The following MTMR10 variants were observed in gnomAD, a reference collection of about 807,000 sequenced individuals.
The protein encoded by MTMR10 is myotubularin-related protein 10.
MTMR10 carries 56 observed loss-of-function variants against 88.1 expected under a neutral mutation model. That is an observed-to-expected ratio of 0.64 (90% CI 0.51 to 0.79). The LOEUF is 0.79. Among genes scored for constraint, MTMR10 ranks in the 30% least tolerant of loss-of-function variants. The pLI is 0.00. For synonymous variants in MTMR10, 380 were observed against 340.9 expected (o/e 1.11, Z -1.26); for missense variants, 883 against 924.7 (o/e 0.95, Z 0.58).
intron 6 of MTMR10, among the ~76,000 whole-genome samples, chr15:30,962,606 G>A (rs1566956549): frequency 6.6e-6 from 1 of 151,602 alleles, no homozygotes; most frequent in Non-Finnish European, 1.5e-5. Context: ...ACCCTCCAAC[G>A]TCCCATGAAC....
At chr15:30,926,773 C>A in the MTMR10 span, 1 of 985,190 alleles carries the variant, frequency 1.0e-6, no homozygotes, top group African/African-American at 1.7e-5. Flanking sequence ...GACGTGGGAG[C>A]GCTGAAATGC....
At chr15:30,935,830 A>G (rs768817484), downstream of MTMR10, among the ~76,000 whole-genome samples, 66 of 152,322 alleles carry the variant, frequency 4.3e-4, no homozygotes, top group Middle Eastern at 3.4e-3. Flanking sequence ...GTTTCCAATC[A>G]GAGAATCTTT....
chr15:30,935,524 A>T (rs1018273075), downstream of MTMR10, among the ~76,000 whole-genome samples: 1 of 152,222 alleles, frequency 6.6e-6, no homozygotes, highest in Non-Finnish European at 1.5e-5. Context: ...CATAGCATTT[A>T]TATTAGGTAT....
intron 2 of MTMR10, among the ~76,000 whole-genome samples, chr15:30,987,870 C>T: frequency 6.6e-6 from 1 of 151,262 alleles, no homozygotes; most frequent in East Asian, 1.9e-4. Flanking sequence ...CCTCATCCCC[C>T]ACCCCCAACA....
chr15:30,943,575 C>CTG (rs2063119348), intron 14 of MTMR10: 1 of 984,524 alleles, frequency 1.0e-6, no homozygotes, highest in African/African-American at 1.8e-5. Flanking sequence ...AATCACAGAC[C>CTG]ACAGACTCAG....
intron 2 of MTMR10, among the ~76,000 whole-genome samples, chr15:30,988,059 G>C (rs1399507787): frequency 1.3e-5 from 2 of 152,118 alleles, no homozygotes; most frequent in Non-Finnish European, 1.5e-5. Flanking sequence ...CCTAGTCTAG[G>C]TCTTTAGATC....
the MTMR10 span, among the ~76,000 whole-genome samples, chr15:30,931,485 C>T: frequency 6.6e-6 from 1 of 152,174 alleles, no homozygotes; most frequent in African/African-American, 2.4e-5. Context: ...TGTCACATGT[C>T]AGAAATACTT....
At chr15:30,919,507 A>G in the MTMR10 span, among the ~76,000 whole-genome samples, 1 of 152,014 alleles carries the variant, frequency 6.6e-6, no homozygotes, top group Admixed American at 6.6e-5. Context: ...CCTGGCCAAC[A>G]TGGTGAAACC....
chr15:30,981,360 AACCTGAAGTGATCGAGGTTAACCTC>A (rs1450434249), intron 2 of MTMR10, among the ~76,000 whole-genome samples: 29 of 152,390 alleles, frequency 1.9e-4, no homozygotes, highest in Non-Finnish European at 4.0e-4. Flanking sequence ...ATATCACTTT[AACCTGAAGTGATCGAGGTTAACCTC>A]ACCAATAACC....
intron 7 of MTMR10, among the ~76,000 whole-genome samples, chr15:30,960,677 G>A (rs1352877857): frequency 2.6e-5 from 4 of 152,072 alleles, no homozygotes; most frequent in Non-Finnish European, 5.9e-5. Flanking sequence ...TGACAGTAAG[G>A]AATTACTATC....
chr15:30,925,265 G>A, the MTMR10 span: 17 of 1,614,032 alleles, frequency 1.1e-5, no homozygotes, highest in Admixed American at 2.8e-4. Context: ...GCAGCTCCCA[G>A]AAATGGCTGT....
intron 5 of MTMR10, among the ~76,000 whole-genome samples, chr15:30,968,787 T>C (rs1019315015): frequency 6.6e-6 from 1 of 152,162 alleles, no homozygotes; most frequent in Non-Finnish European, 1.5e-5. Flanking sequence ...ATTAACAAGC[T>C]TAATGCAGGC....
chr15:30,941,345 G>C lies in MTMR10; in HGVS notation c.*125C>G, dbSNP rs200383312. ...TGATTCAACATGTTTTTAAATATTA[G>C]TGCAAATTCCAACTATTATTCTTAC... is the stretch of plus-strand genomic sequence containing the variant. On this transcript the variant is annotated 3_prime_UTR_variant, in exon 16 of 16. Coordinates refer to ENST00000435680, the MANE Select transcript of MTMR10 (RefSeq NM_017762.3). 7.2e-6 allele frequency: 11 copies of C among 1,534,780 alleles called. No individual in the cohort carries two copies. The East Asian group carries it at 2.4e-4, about 34-fold the overall frequency.
rs552786773 is a variant in MTMR10, at chr15:30,962,184, G to C, written c.566-1111C>G. Among the ~76,000 whole-genome samples, 4 of 152,328 alleles carry C rather than the reference G, an allele frequency of 2.6e-5. No homozygotes were observed. In the South Asian group the frequency reaches 8.3e-4, roughly 32 times the overall value. On this transcript the variant is annotated intron_variant, in intron 6 of 15. Transcript: ENST00000435680. ...CCTTAGAAAGGAGCCTGCTCTGAGA[G>C]AGAAGTAATGCTATCTTCTGGGAGC...
At chr15:30,919,305 A>C in the MTMR10 span, among the ~76,000 whole-genome samples, 3 of 144,332 alleles carry the variant, frequency 2.1e-5, no homozygotes, top group African/African-American at 7.8e-5. Flanking sequence ...ACTTGAACCC[A>C]GGAGGTGGAG....
Position 30,939,310 on chromosome 15 carries a change from G to A in MTMR10, c.*2160C>T, listed in dbSNP as rs760374883. The A allele has an allele frequency of 1.7e-5, 17 of 985,354 alleles. No individual in the cohort carries two copies. The highest frequency in any genetic ancestry group is 1.2e-4 in the Admixed American group (2 of 16,272). 61.0% of individuals were successfully genotyped at this position (985,354 alleles called of 1,614,324 possible). A position where few individuals can be genotyped will look rare whatever the true frequency, so the allele number is the denominator to read the frequency against. On this transcript the variant is annotated 3_prime_UTR_variant, in exon 16 of 16. Transcript: ENST00000435680. ...TCACCCAGTGCATCAGCATCTGTGC[G>A]GCATTCCCTCAGCACGGGCTCTGCT...
intron 7 of MTMR10, among the ~76,000 whole-genome samples, chr15:30,959,919 T>C (rs1566955089): frequency 1.3e-5 from 2 of 152,054 alleles, no homozygotes; most frequent in Non-Finnish European, 2.9e-5. Context: ...TTAAACAAAT[T>C]AAAAAAACAA....
chr15:30,983,678 C>A (rs1427878354), intron 2 of MTMR10, among the ~76,000 whole-genome samples: 1 of 152,122 alleles, frequency 6.6e-6, no homozygotes, highest in Non-Finnish European at 1.5e-5. Flanking sequence ...GGGTGACTGC[C>A]CCAGTTTGTC....
At chr15:30,972,803 T>C (rs1373254180) in intron 5 of MTMR10, among the ~76,000 whole-genome samples, 1 of 152,188 alleles carries the variant, frequency 6.6e-6, no homozygotes, top group African/African-American at 2.4e-5. Flanking sequence ...GTACTACAGA[T>C]GGTTCAAGAA....
Sources: allele counts gnomAD v4.1 joint callset (sites outside exome capture counted in the v4.1 genomes callset), GRCh38; gene constraint gnomAD v4.1.1; transcripts MANE v1.5; gene names NCBI Gene and HGNC (gene_info 2026-07-23, HGNC 2026-07-21).